Variants in FRYL observed in about 807,000 individuals in gnomAD.
FRYL encodes the protein FRY like transcription coactivator, also known as protein furry homolog-like.
In FRYL, 150 loss-of-function variants were observed where a neutral mutation model predicts 351.2. That is an observed-to-expected ratio of 0.43 (90% confidence interval 0.37 to 0.49). The LOEUF (loss-of-function observed/expected upper bound fraction) is 0.49, where lower values mean the gene tolerates loss of function less well. FRYL is among the 20% of genes least tolerant of loss of function. The probability of loss-of-function intolerance (pLI) is 0.00; values close to 1 mark genes in which losing one functional copy is unlikely to be tolerated. For missense variants in FRYL, 3,036 were observed against 3,619.3 expected (o/e 0.84, Z 4.13); for synonymous variants, 1,153 against 1,257.1 (o/e 0.92, Z 1.75).
At chr4:48,742,334 G>C (rs1002158568) in intron 1 of FRYL, among the ~76,000 whole-genome samples, 2 of 152,096 alleles carry the variant, frequency 1.3e-5, no homozygotes, top group African/African-American at 4.8e-5. Flanking sequence ...AAATGCTGTT[G>C]ACCTTGAAAC....
chr4:48,565,825 C>A, intron 28 of FRYL, 134 bp from the exon 29 acceptor site: 1 of 840,784 alleles, frequency 1.2e-6, no homozygotes, highest in Non-Finnish European at 1.8e-6. Flanking sequence ...CAAAAACCTC[C>A]GCGGTAGCAG....
intron 1 of FRYL, among the ~76,000 whole-genome samples, chr4:48,765,545 A>G (rs946463567): frequency 6.6e-6 from 1 of 152,132 alleles, no homozygotes; most frequent in African/African-American, 2.4e-5. Context: ...CCATAAAACT[A>G]CTAGAAAAAG....
intron 32 of FRYL, among the ~76,000 whole-genome samples, chr4:48,562,386 C>A (rs1485690110): frequency 2.0e-5 from 3 of 152,132 alleles, no homozygotes; most frequent in Non-Finnish European, 2.9e-5. Flanking sequence ...CTATTCTTAG[C>A]CCTTGGTTAA....
intron 35 of FRYL, among the ~76,000 whole-genome samples, chr4:48,556,155 A>G (rs533747441): frequency 2.1e-3 from 313 of 152,344 alleles, no homozygotes; most frequent in Non-Finnish European, 3.6e-3. Flanking sequence ...TCGGCCTCCC[A>G]AAGTGCTGGA....
intron 1 of FRYL, among the ~76,000 whole-genome samples, chr4:48,714,776 A>G (rs1210317480): frequency 2.0e-5 from 3 of 151,090 alleles, no homozygotes; most frequent in Admixed American, 6.6e-5. Context: ...ATTTTATGAG[A>G]CCAGCATCAT....
intron 1 of FRYL, among the ~76,000 whole-genome samples, chr4:48,759,462 A>G (rs1285451029): frequency 6.6e-6 from 1 of 152,218 alleles, no homozygotes; most frequent in African/African-American, 2.4e-5. Context: ...GGCTTTAAAC[A>G]GCACACATTT....
rs1750014573 is a variant in FRYL, at chr4:48,618,560, G to T, written c.411+714C>A. 3 of 129,960 alleles carry T rather than the reference G, an allele frequency of 2.3e-5. No individual in the cohort carries two copies. In the East Asian group the frequency reaches 7.3e-4, roughly 32 times the overall value. 8.1% of individuals were successfully genotyped at this position (129,960 alleles called of 1,614,324 possible). A position where few individuals can be genotyped will look rare whatever the true frequency, so the allele number is the denominator to read the frequency against. The stretch of plus-strand genomic sequence containing the variant: ...GGAAATACATGGATCATCCTTGAAT[G>T]ATATAACTTTAAAGACCATGATCTT... On this transcript the variant is annotated intron_variant, in intron 7 of 63. Transcript: ENST00000358350.
At chr4:48,640,001 A>T (rs1364533925) in intron 3 of FRYL, among the ~76,000 whole-genome samples, 1 of 152,178 alleles carries the variant, frequency 6.6e-6, no homozygotes, top group Non-Finnish European at 1.5e-5. Context: ...TCCAAAACTG[A>T]CAACAGCAAA....
intron 16 of FRYL, among the ~76,000 whole-genome samples, chr4:48,591,622 C>T (rs1170674980): frequency 2.6e-5 from 4 of 152,150 alleles, no homozygotes; most frequent in Non-Finnish European, 5.9e-5. Context: ...TCTTTATCTG[C>T]ATTTCAGGTT....
chr4:48,526,964 C>T (rs1726374576), intron 53 of FRYL, among the ~76,000 whole-genome samples: 1 of 152,110 alleles, frequency 6.6e-6, no homozygotes, highest in Non-Finnish European at 1.5e-5. Context: ...TCTAGAAAGA[C>T]AAACCCTTTG....
rs1736152156 is a variant in FRYL, at chr4:48,563,969, A to G, written c.3575T>C (p.Ile1192Thr). ...GTACCTGTTCTGGAAAACATTAGCA[A>G]TGGCTTTAAAGCAGCCGGCCGCCAC... ...GRVAAGCFKA[I>T]ANVFQNRDYQ... The change falls in exon 31 of 64, where the codon ATT (isoleucine) becomes ACT (threonine). Residue 1192 changes from isoleucine to threonine, a missense_variant. This residue lies in a region of FRYL where 1,987 missense variants were observed against 2,311.7 expected (regional missense o/e 0.86). Transcript: ENST00000358350. 1.2e-6 allele frequency: 2 copies of G among 1,613,998 alleles called. No individual in the cohort carries two copies. Among genetic ancestry groups the G allele is most frequent in the Non-Finnish European group, 8.5e-7 (1 of 1,179,964 alleles).
intron 54 of FRYL, 127 bp from the exon 55 acceptor site, chr4:48,521,342 T>C: frequency 1.5e-6 from 1 of 687,952 alleles, no homozygotes; most frequent in South Asian, 2.4e-5. Flanking sequence ...AAATCATCTT[T>C]CTTTCCTTCC....
intron 4 of FRYL, among the ~76,000 whole-genome samples, chr4:48,629,092 TTAA>T (rs1223433869): frequency 9.3e-5 from 14 of 151,158 alleles, no homozygotes; most frequent in East Asian, 3.9e-4. Context: ...CTATAAAAAG[TTAA>T]TAATAATTCC....
At chr4:48,505,402 A>G in intron 60 of FRYL, 145 bp downstream of exon 60, 1 of 658,920 alleles carries the variant, frequency 1.5e-6, no homozygotes. Context: ...TTGAGCTTTT[A>G]CAAAGATTGT....
intron 3 of FRYL, among the ~76,000 whole-genome samples, chr4:48,645,154 A>ATATATC (rs1373290711): frequency 1.5e-4 from 18 of 122,976 alleles, no homozygotes; most frequent in Non-Finnish European, 2.8e-4. Flanking sequence ...ATATATATAT[A>ATATATC]TCAGACTGGC....
At chr4:48,645,124 T>TTATATA (rs36223183) in intron 3 of FRYL, among the ~76,000 whole-genome samples, 1,436 of 105,342 alleles carry the variant, frequency 0.014, 137 homozygotes, top group Middle Eastern at 0.022. Context: ...AGCTTTCATT[T>TTATATA]TATATATATA....
Position 48,523,120 on chromosome 4 carries a change from A to G in FRYL, c.7318-16T>C. 2.5e-6 allele frequency: 4 copies of G among 1,590,356 alleles called. No individual in the cohort carries two copies. The highest frequency in any genetic ancestry group is 3.4e-6 in the Non-Finnish European group (4 of 1,160,158). The stretch of plus-strand genomic sequence containing the variant: ...TACTTTCACCCTGGAAAAGCAAGAC[A>G]CGATTTCTAAAACCTCAAATACATG... On this transcript the variant is annotated splice_polypyrimidine_tract_variant and intron_variant, in intron 53 of 63. Transcript: ENST00000358350.
At chr4:48,723,762 T>G (rs1769753863) in intron 1 of FRYL, among the ~76,000 whole-genome samples, 1 of 151,928 alleles carries the variant, frequency 6.6e-6, no homozygotes, top group Non-Finnish European at 1.5e-5. Flanking sequence ...TCCTCATTTC[T>G]CATTTCTCCA....
chr4:48,750,685 T>C (rs1282793389), intron 1 of FRYL, among the ~76,000 whole-genome samples: 1 of 152,206 alleles, frequency 6.6e-6, no homozygotes, highest in East Asian at 1.9e-4. Context: ...GAGTTACGGA[T>C]AATTGCAAGA....
Sources: gnomAD v4.1 joint callset for allele counts (sites outside exome capture counted in the v4.1 genomes callset) on GRCh38, gnomAD v4.1.1 for gene constraint, gnomAD v4.1.1 regional missense constraint, MANE v1.5 for transcripts, NCBI Gene and HGNC (gene_info 2026-07-23, HGNC 2026-07-21) for gene names.